The following BMP5 variants were observed in gnomAD, a reference collection of about 807,000 sequenced individuals.
BMP5 encodes bone morphogenetic protein 5.
BMP5 carries 23 observed loss-of-function variants against 46.6 expected under a neutral mutation model. The ratio of observed to expected loss-of-function variants is 0.49; its 90% CI spans 0.35 to 0.70. BMP5 has a LOEUF of 0.70. Among genes scored for constraint, BMP5 ranks in the 30% least tolerant of loss-of-function variants. The probability of loss-of-function intolerance (pLI) is 0.00; values close to 1 mark genes in which losing one functional copy is unlikely to be tolerated. For synonymous variants in BMP5, 204 were observed against 191.9 expected (o/e 1.06, Z -0.52); for missense variants, 545 against 565.6 (o/e 0.96, Z 0.37).
At chr6:55,854,031 G>C (rs983732025) in intron 1 of BMP5, among the ~76,000 whole-genome samples, 5 of 151,930 alleles carry the variant, frequency 3.3e-5, no homozygotes, top group Non-Finnish European at 7.4e-5. Flanking sequence ...TTTCAAATGT[G>C]AAAACTCTGG....
At chr6:55,780,473 AG>A (rs66537838) in intron 3 of BMP5, among the ~76,000 whole-genome samples, 16,879 of 123,314 alleles carry the variant, frequency 0.14, 1,252 homozygotes, top group Non-Finnish European at 0.16. Context: ...AAAAAAAAAA[AG>A]AAAGAAAGAA....
chr6:55,804,690 A>G (rs1353163478), intron 2 of BMP5, among the ~76,000 whole-genome samples: 1 of 152,146 alleles, frequency 6.6e-6, no homozygotes, highest in Admixed American at 6.6e-5. Flanking sequence ...ATGAAAATCA[A>G]ATTACAGTGC....
At position 55,814,787 on chromosome 6, in the gene BMP5, T is replaced by TA. The variant is rs202084872; in HGVS notation, c.683+4867dup. ...CAATGAACCAATGCTTATTTTAAAA[T>TA]AAAAAAAGTGTTTTGCTAGAGATTG... On this transcript the variant is annotated intron_variant, in intron 2 of 6. Transcript: ENST00000370830. Among the ~76,000 whole-genome samples the TA allele has an allele frequency of 4.4e-3, 672 of 152,160 alleles. 12 individuals carry two copies. Among genetic ancestry groups the TA allele is most frequent in the African/African-American group, 0.015 (610 of 41,528 alleles).
intron 5 of BMP5, among the ~76,000 whole-genome samples, chr6:55,759,575 CATTCTT>C (rs1340237885): frequency 2.0e-5 from 3 of 151,866 alleles, no homozygotes; most frequent in African/African-American, 7.2e-5. Context: ...CTTAAGAACT[CATTCTT>C]AGTTTTATAA....
At chr6:55,787,808 G>T (rs1179834983) in intron 3 of BMP5, among the ~76,000 whole-genome samples, 1 of 151,484 alleles carries the variant, frequency 6.6e-6, no homozygotes, top group Non-Finnish European at 1.5e-5. Flanking sequence ...TAATATTGGC[G>T]AAAATAAAAG....
chr6:55,784,648 G>A (rs1317156940), intron 3 of BMP5, among the ~76,000 whole-genome samples: 2 of 151,582 alleles, frequency 1.3e-5, no homozygotes, highest in Non-Finnish European at 3.0e-5. Context: ...CAAAAGAAAA[G>A]GTTGATTTAG....
At chr6:55,823,147 A>C (rs1025120005) in intron 1 of BMP5, among the ~76,000 whole-genome samples, 1 of 152,070 alleles carries the variant, frequency 6.6e-6, no homozygotes, top group Admixed American at 6.6e-5. Context: ...TCTGTCTCCT[A>C]AAGTTTATTA....
chr6:55,813,518 G>C (rs1042274120), intron 2 of BMP5, among the ~76,000 whole-genome samples: 1 of 151,366 alleles, frequency 6.6e-6, no homozygotes, highest in Non-Finnish European at 1.5e-5. Flanking sequence ...GGCCGGGCGC[G>C]GTGGCTCACA....
At chr6:55,791,695 A>G (rs1775575233) in intron 3 of BMP5, among the ~76,000 whole-genome samples, 1 of 152,068 alleles carries the variant, frequency 6.6e-6, no homozygotes, top group Admixed American at 6.5e-5. Context: ...AACCAATACA[A>G]GATAAGAGTG....
intron 3 of BMP5, among the ~76,000 whole-genome samples, chr6:55,789,779 T>C (rs1775533066): frequency 6.6e-6 from 1 of 152,140 alleles, no homozygotes; most frequent in Non-Finnish European, 1.5e-5. Context: ...AATTTTGCCA[T>C]TAAGAAGCGG....
chr6:55,770,580 T>A (rs1775025002), intron 4 of BMP5, among the ~76,000 whole-genome samples: 2 of 152,078 alleles, frequency 1.3e-5, no homozygotes, highest in South Asian at 4.1e-4. Context: ...ATACTTATAA[T>A]TTTCTTCAAG....
rs1191269497 is a variant in BMP5, at chr6:55,817,757, A to G, written c.683+1898T>C. ...CTAAAACTTAAAGTATAATAATAAT[A>G]AAATAAAATAAAATAAAAAAGAAAT... is the stretch of plus-strand genomic sequence containing the variant. On this transcript the variant is annotated intron_variant, in intron 2 of 6. Transcript: ENST00000370830. Among the ~76,000 whole-genome samples, 14 of 152,164 alleles carry G rather than the reference A, an allele frequency of 9.2e-5. 1 individual carries two copies. The East Asian group carries it at 2.5e-3, about 27-fold the overall frequency.
chr6:55,820,059 G>C (rs1776371834), intron 1 of BMP5, among the ~76,000 whole-genome samples: 1 of 152,174 alleles, frequency 6.6e-6, no homozygotes, highest in South Asian at 2.1e-4. Context: ...AACCTCTGCG[G>C]TTTTATACAA....
chr6:55,759,157 A>AT, intron 5 of BMP5, 42 bp from the exon 6 acceptor site: 1 of 711,416 alleles, frequency 1.4e-6, no homozygotes, highest in South Asian at 1.8e-5. Context: ...AAAAAAAAAA[A>AT]AAAAAAAAAA....
At chr6:55,865,278 C>T (rs1359919545) in intron 1 of BMP5, 1 of 341,716 alleles carries the variant, frequency 2.9e-6, no homozygotes, top group Non-Finnish European at 5.7e-6. Context: ...TCTTTACAAT[C>T]AAATATCTTC....
chr6:55,769,496 A>G (rs1774997039), intron 4 of BMP5, among the ~76,000 whole-genome samples: 1 of 151,892 alleles, frequency 6.6e-6, no homozygotes, highest in African/African-American at 2.4e-5. Flanking sequence ...TTCTCTTGCT[A>G]TTTCTACCAC....
At chr6:55,836,985 C>T (rs1250063195) in intron 1 of BMP5, among the ~76,000 whole-genome samples, 4 of 151,584 alleles carry the variant, frequency 2.6e-5, no homozygotes, top group Non-Finnish European at 5.9e-5. Context: ...ATCAAATGTG[C>T]TTTTTGGTAT....
Position 55,794,395 on chromosome 6 carries a change from T to A in BMP5, c.716A>T (p.Lys239Met). 6.2e-7 allele frequency: 1 copy of A among 1,614,016 alleles called. No homozygotes were observed. The highest frequency in any genetic ancestry group is 8.5e-7 in the Non-Finnish European group (1 of 1,179,912). Residue 239 changes from lysine (K) to methionine (M), a missense_variant, in exon 3 of 7, where the codon AAG becomes ATG. Transcript: ENST00000370830. ...DADLFLLDTRKAQALDVGWLV... is the reference protein window; with the variant it reads ...DADLFLLDTRMAQALDVGWLV... ...CCAACCCACATCTAAAGCTTGGGCC[T>A]TTCTTGTGTCTAACAAGAACAGATC...
chr6:55,833,967 T>C (rs997480734), intron 1 of BMP5, among the ~76,000 whole-genome samples: 1 of 152,178 alleles, frequency 6.6e-6, no homozygotes, highest in Non-Finnish European at 1.5e-5. Flanking sequence ...TTTCATTTAA[T>C]ACAATATGTA....
Sources: gnomAD v4.1 joint callset for allele counts (sites outside exome capture counted in the v4.1 genomes callset) on GRCh38, gnomAD v4.1.1 for gene constraint, MANE v1.5 for transcripts, NCBI Gene and HGNC (gene_info 2026-07-23, HGNC 2026-07-21) for gene names.